Variants in NTRK3 observed in about 807,000 individuals in gnomAD.
NTRK3 encodes NT-3 growth factor receptor.
A neutral mutation model predicts 91.7 loss-of-function variants in NTRK3; 24 were observed. The ratio of observed to expected loss-of-function variants is 0.26; its 90% CI spans 0.19 to 0.37. The LOEUF (loss-of-function observed/expected upper bound fraction) is 0.37, where lower values mean the gene tolerates loss of function less well. NTRK3 is among the 10% of genes least tolerant of loss of function. NTRK3 has a pLI of 1.00. For synonymous variants in NTRK3, 483 were observed against 404.0 expected (o/e 1.20, Z -2.34); for missense variants, 880 against 1,068.9 (o/e 0.82, Z 2.46).
chr15:88,232,708 A>G (rs2051315683), intron 3 of NTRK3, among the ~76,000 whole-genome samples: 1 of 152,226 alleles, frequency 6.6e-6, no homozygotes, highest in Admixed American at 6.5e-5. Flanking sequence ...GTGAGCAGCC[A>G]GGAGTTGGGC....
chr15:88,090,936 G>A (rs898534154), intron 13 of NTRK3, among the ~76,000 whole-genome samples: 1 of 152,190 alleles, frequency 6.6e-6, no homozygotes, highest in Non-Finnish European at 1.5e-5. Flanking sequence ...GGCCATGCGT[G>A]CTCAAGCCAT....
chr15:88,185,012 G>T (rs116890393), intron 3 of NTRK3, among the ~76,000 whole-genome samples: 1,872 of 152,358 alleles, frequency 0.012, 19 homozygotes, highest in Non-Finnish European at 0.021. Flanking sequence ...TCAGGACCCA[G>T]TGACTTTGAG....
intron 14 of NTRK3, among the ~76,000 whole-genome samples, chr15:87,983,764 G>A (rs1220705875): frequency 6.6e-6 from 1 of 152,192 alleles, no homozygotes; most frequent in Non-Finnish European, 1.5e-5. Flanking sequence ...TGAAATGGAG[G>A]TCAAGATAGT....
intron 13 of NTRK3, among the ~76,000 whole-genome samples, chr15:88,068,231 A>C (rs1182002885): frequency 6.6e-6 from 1 of 152,166 alleles, no homozygotes; most frequent in Non-Finnish European, 1.5e-5. Flanking sequence ...CAGGAGTTCG[A>C]GACCAGCCTG....
At chr15:88,001,113 T>C (rs2076068240) in intron 14 of NTRK3, among the ~76,000 whole-genome samples, 1 of 152,210 alleles carries the variant, frequency 6.6e-6, no homozygotes, top group Non-Finnish European at 1.5e-5. Flanking sequence ...AATGAGCAAC[T>C]TTTCCTGTGC....
chr15:88,242,629 C>T, intron 3 of NTRK3, among the ~76,000 whole-genome samples: 1 of 152,196 alleles, frequency 6.6e-6, no homozygotes, highest in East Asian at 1.9e-4. Flanking sequence ...CCCCAGGGCT[C>T]AGCATGGGTC....
intron 17 of NTRK3, among the ~76,000 whole-genome samples, chr15:87,891,957 C>T (rs892693665): frequency 3.3e-5 from 5 of 152,040 alleles, no homozygotes; most frequent in Admixed American, 2.6e-4. Flanking sequence ...GTCTATCCAG[C>T]GTGTACTCAG....
chr15:87,877,758 T>C (rs776667215), intron 18 of NTRK3, among the ~76,000 whole-genome samples: 4 of 152,064 alleles, frequency 2.6e-5, no homozygotes, highest in Non-Finnish European at 5.9e-5. Flanking sequence ...AACTGCTTGA[T>C]TCACCACTGC....
At chr15:87,962,674 A>G (rs1309156413) in intron 14 of NTRK3, among the ~76,000 whole-genome samples, 1 of 152,078 alleles carries the variant, frequency 6.6e-6, no homozygotes, top group Non-Finnish European at 1.5e-5. Flanking sequence ...CTCTCTCTGA[A>G]TTGTCTGTGG....
At chr15:87,970,030 A>G (rs116664471) in intron 14 of NTRK3, among the ~76,000 whole-genome samples, 4,660 of 152,262 alleles carry the variant, frequency 0.031, 250 homozygotes, top group African/African-American at 0.11. Context: ...ACAGTGACTC[A>G]TGGGGACATG....
chr15:87,909,200 C>T (rs1171698472), intron 17 of NTRK3, among the ~76,000 whole-genome samples: 1 of 152,020 alleles, frequency 6.6e-6, no homozygotes, highest in African/African-American at 2.4e-5. Flanking sequence ...ATGGAGTTAA[C>T]ATTTGTGTTC....
chr15:88,250,708 C>T (rs1041029027), intron 3 of NTRK3, among the ~76,000 whole-genome samples: 1 of 152,214 alleles, frequency 6.6e-6, no homozygotes, highest in African/African-American at 2.4e-5. Flanking sequence ...TCTGTCACCA[C>T]CCTGTCTCCT....
At chr15:88,232,792 G>A (rs1352013968) in intron 3 of NTRK3, among the ~76,000 whole-genome samples, 1 of 152,196 alleles carries the variant, frequency 6.6e-6, no homozygotes, top group African/African-American at 2.4e-5. Flanking sequence ...GGCCTTCAGT[G>A]ACAACATAAC....
chr15:88,131,878 G>T (rs1399421305), intron 10 of NTRK3: 2 of 187,270 alleles, frequency 1.1e-5, no homozygotes, highest in Non-Finnish European at 2.3e-5. Context: ...TGGTACCCAG[G>T]ACTGGTCCTC....
At chr15:87,936,780 G>A (rs1470213157) in intron 15 of NTRK3, among the ~76,000 whole-genome samples, 1 of 152,110 alleles carries the variant, frequency 6.6e-6, no homozygotes, top group Non-Finnish European at 1.5e-5. Flanking sequence ...CTGGGTGAGA[G>A]TCTCACACAA....
chr15:88,253,435 T>C (rs954614514), intron 3 of NTRK3: 1 of 152,262 alleles, frequency 6.6e-6, no homozygotes. Flanking sequence ...CAAGCCTCCA[T>C]TTCCTCAGAA....
chr15:88,236,392 G>T (rs933369850), intron 3 of NTRK3, among the ~76,000 whole-genome samples: 1 of 151,806 alleles, frequency 6.6e-6, no homozygotes, highest in Non-Finnish European at 1.5e-5. Flanking sequence ...CCCAAAACAG[G>T]CTGGGCACTG....
intron 3 of NTRK3, among the ~76,000 whole-genome samples, chr15:88,193,364 C>T (rs1466957894): frequency 1.3e-5 from 2 of 152,134 alleles, no homozygotes; most frequent in Non-Finnish European, 2.9e-5. Flanking sequence ...TCTCAGAGGT[C>T]TCAAGGGCCC....
At chr15:87,886,789 G>C (rs2065581256) in intron 17 of NTRK3, among the ~76,000 whole-genome samples, 1 of 145,038 alleles carries the variant, frequency 6.9e-6, no homozygotes, top group African/African-American at 2.5e-5. Context: ...GAAATTTTGT[G>C]ATAATCATGT....
Sources: gnomAD v4.1 joint callset for allele counts (sites outside exome capture counted in the v4.1 genomes callset) on GRCh38, gnomAD v4.1.1 for gene constraint, MANE v1.5 for transcripts, NCBI Gene and HGNC (gene_info 2026-07-23, HGNC 2026-07-21) for gene names.